The following P3H2 variants were observed in gnomAD, a reference collection of about 807,000 sequenced individuals.
The protein encoded by P3H2 is leprecan-like 1.
Under a neutral mutation model 87.0 loss-of-function variants are expected in P3H2, and 80 were observed. That is an observed-to-expected ratio of 0.92 (90% CI 0.77 to 1.11). The LOEUF is 1.11. P3H2 is among the 50% of genes least tolerant of loss of function. The pLI is 0.00. For synonymous variants in P3H2, 367 were observed against 359.3 expected (o/e 1.02, Z -0.24); for missense variants, 1,001 against 923.9 (o/e 1.08, Z -1.08).
intron 1 of P3H2, among the ~76,000 whole-genome samples, chr3:190,017,775 G>T (rs780678176): frequency 3.9e-5 from 6 of 152,144 alleles, no homozygotes; most frequent in Non-Finnish European, 8.8e-5. Context: ...TTCCTGAAAG[G>T]TTTTTCTCTT....
At position 190,087,307 on chromosome 3, in the gene P3H2, A is replaced by C. The variant is rs377736945; in HGVS notation, c.480+32945T>G. ...ATCCCAGCACTTTGGGAGGCCGAGG[A>C]GGGCAAATCACAAGGTCAGGAGATC... On this transcript the variant is annotated intron_variant, in intron 1 of 14. Transcript: ENST00000319332. Among the ~76,000 whole-genome samples the C allele has an allele frequency of 3.9e-5, 6 of 151,984 alleles. No individual in the cohort carries two copies. In the East Asian group the frequency reaches 5.8e-4, roughly 15 times the overall value.
chr3:189,993,279 G>A (rs755537924), intron 3 of P3H2, among the ~76,000 whole-genome samples: 5 of 145,904 alleles, frequency 3.4e-5, no homozygotes, highest in Non-Finnish European at 5.9e-5. Context: ...CCAAGATCAC[G>A]CCATTGCACT....
At chr3:189,960,911 A>G (rs1478305332) in intron 14 of P3H2, among the ~76,000 whole-genome samples, 1 of 152,182 alleles carries the variant, frequency 6.6e-6, no homozygotes, top group African/African-American at 2.4e-5. Context: ...TAAAAAGCCC[A>G]AGTACTACTT....
At chr3:190,064,468 T>C (rs1726435154) in intron 1 of P3H2, among the ~76,000 whole-genome samples, 1 of 152,136 alleles carries the variant, frequency 6.6e-6, no homozygotes, top group Non-Finnish European at 1.5e-5. Flanking sequence ...CTTCTGAATC[T>C]GAAGTCGACA....
intron 1 of P3H2, among the ~76,000 whole-genome samples, chr3:190,012,114 T>C (rs1724608140): frequency 6.6e-6 from 1 of 152,110 alleles, no homozygotes; most frequent in African/African-American, 2.4e-5. Flanking sequence ...CATCTTGAAA[T>C]TGGGACAAAT....
At chr3:189,962,478 G>C (rs1004011643) in intron 14 of P3H2, among the ~76,000 whole-genome samples, 2 of 152,164 alleles carry the variant, frequency 1.3e-5, no homozygotes, top group Admixed American at 6.5e-5. Context: ...CCCAGCCAGG[G>C]CCATTTTTTC....
intron 1 of P3H2, among the ~76,000 whole-genome samples, chr3:190,110,208 G>A (rs1162368603): frequency 6.6e-6 from 1 of 152,112 alleles, no homozygotes; most frequent in East Asian, 1.9e-4. Context: ...GGGTGATTTT[G>A]ACCTCCAAGT....
Position 189,972,942 on chromosome 3 carries a change from G to C in P3H2, c.1631C>G (p.Ser544Cys), listed in dbSNP as rs745992530. ...CAGAGTTGAGTTCAGCATAAAATAAGATTCTACAATCCTTCGAGCCTTTTC... is the reference window on the plus strand; with the variant it reads ...CAGAGTTGAGTTCAGCATAAAATAACATTCTACAATCCTTCGAGCCTTTTC... The part of the protein sequence containing the change: ...ISEKARRIVE[S>C]YFMLNSTLYF... Residue 544 changes from serine to cysteine, a missense_variant, in exon 11 of 15, where the codon TCT (serine) becomes TGT (cysteine). Transcript: ENST00000319332. 1 of 1,613,744 alleles carries C rather than the reference G, an allele frequency of 6.2e-7. No homozygotes were observed. Among genetic ancestry groups the C allele is most frequent in the East Asian group, 2.2e-5 (1 of 44,862 alleles).
In P3H2 at chr3:189,987,401, C is replaced by T. The variant is rs566885172; in HGVS notation, c.1098+126G>A. 9 of 1,066,900 alleles carry T rather than the reference C, an allele frequency of 8.4e-6. No individual in the cohort carries two copies. The South Asian group carries it at 1.2e-4, about 14-fold the overall frequency. 66.1% of individuals were successfully genotyped at this position (1,066,900 alleles called of 1,614,324 possible). A position where few individuals can be genotyped will look rare whatever the true frequency, so the allele number is the denominator to read the frequency against. On this transcript the variant is annotated intron_variant, in intron 5 of 14. Coordinates refer to ENST00000319332, the MANE Select transcript of P3H2 (RefSeq NM_018192.4). ...GGCTGAGGCAGGAGAATCGCTTGAA[C>T]CCGGGAGGCGGAGGTTGCGGTGAGC...
In P3H2 at chr3:189,971,969, G is replaced by A. The variant is rs1723192139; in HGVS notation, c.1738C>T (p.His580Tyr). The A allele has an allele frequency of 1.2e-6, 2 of 1,613,282 alleles. No individual in the cohort carries two copies. The highest frequency in any genetic ancestry group is 1.1e-5 in the South Asian group (1 of 91,066). The part of the protein sequence containing the change: ...DRRNDLSHPI[H>Y]ADNCLLDPEA... ...GGATCCAACAAACAGTTGTCAGCAT[G>A]GATGGGATGACTGAGGTCATTTCTT... Residue 580 changes from histidine (H) to tyrosine (Y), a missense_variant, in exon 12 of 15, where the codon CAT becomes TAT. Coordinates refer to ENST00000319332, the MANE Select transcript of P3H2 (RefSeq NM_018192.4).
At chr3:190,020,031 T>TG (rs1724889192) in intron 1 of P3H2, among the ~76,000 whole-genome samples, 1 of 132,294 alleles carries the variant, frequency 7.6e-6, no homozygotes, top group Non-Finnish European at 1.7e-5. Context: ...TGCCAGCAGG[T>TG]GGGGGCACAA....
At chr3:190,108,275 C>T (rs1711929157) in intron 1 of P3H2, among the ~76,000 whole-genome samples, 1 of 152,122 alleles carries the variant, frequency 6.6e-6, no homozygotes, top group Admixed American at 6.5e-5. Flanking sequence ...CCTCAGCTTC[C>T]CAAAGCACTG....
At chr3:190,006,551 C>T (rs982077444) in intron 1 of P3H2, among the ~76,000 whole-genome samples, 1 of 152,068 alleles carries the variant, frequency 6.6e-6, no homozygotes, top group African/African-American at 2.4e-5. Flanking sequence ...GTAAATATAG[C>T]CCAGTTAGGA....
At chr3:189,999,361 C>A (rs1422098733) in intron 1 of P3H2, among the ~76,000 whole-genome samples, 9 of 152,162 alleles carry the variant, frequency 5.9e-5, no homozygotes, top group African/African-American at 2.2e-4. Flanking sequence ...TTATTGTGAA[C>A]CAGTTTAGGA....
Position 189,974,607 on chromosome 3 carries a change from T to A in P3H2, c.1403A>T (p.Asp468Val). The change falls in exon 9 of 15, where the codon GAT (aspartate) becomes GTT (valine). Residue 468 changes from aspartate (D) to valine (V), a missense_variant. Transcript: ENST00000319332. ...QLNGTQRVLL[D>V]NVLSEEQCRE... The stretch of plus-strand genomic sequence containing the variant: ...GCACTGTTCTTCCGACAGGACGTTA[T>A]CCAGGAGAACCCGCTGAGTCCCGTT... 6.2e-7 allele frequency: 1 copy of A among 1,614,144 alleles called. No homozygotes were observed. Among genetic ancestry groups the A allele is most frequent in the East Asian group, 2.2e-5 (1 of 44,880 alleles).
intron 1 of P3H2, among the ~76,000 whole-genome samples, chr3:190,001,759 A>T (rs1225123948): frequency 1.3e-5 from 2 of 150,546 alleles, no homozygotes; most frequent in South Asian, 2.1e-4. Context: ...ATACACTCAT[A>T]TACATACACA....
chr3:189,994,171 G>A lies in P3H2; in HGVS notation c.746C>T (p.Thr249Ile), dbSNP rs1345401360. The change falls in exon 3 of 15, where the codon ACC (threonine) becomes ATC (isoleucine). Residue 249 changes from threonine (T) to isoleucine (I), a missense_variant. By Grantham distance (89) the Thr-to-Ile change is moderately conservative. Transcript: ENST00000319332. ...AAATCTCTGAGGCCCCTCACATAGG[G>A]TCCGGCATTCTGTATCTTCAACGAA... ...EYFVEDTECR[T>I]LCEGPQRFEE... 1.9e-6 allele frequency: 3 copies of A among 1,613,472 alleles called. No individual in the cohort carries two copies. Among genetic ancestry groups the A allele is most frequent in the East Asian group, 4.5e-5 (2 of 44,892 alleles).
intron 10 of P3H2, among the ~76,000 whole-genome samples, 153 bp downstream of exon 10, chr3:189,973,756 C>A (rs538672046): frequency 9.1e-4 from 139 of 152,098 alleles, no homozygotes; most frequent in African/African-American, 3.3e-3. Flanking sequence ...GATCTCCTGA[C>A]CTCGTGATCT....
intron 1 of P3H2, among the ~76,000 whole-genome samples, chr3:190,102,446 T>C (rs1164439718): frequency 6.6e-6 from 1 of 152,228 alleles, no homozygotes; most frequent in Non-Finnish European, 1.5e-5. Context: ...CTCTCATGGA[T>C]GATTTCGAGG....
Sources: gnomAD v4.1 joint callset for allele counts (sites outside exome capture counted in the v4.1 genomes callset) on GRCh38, gnomAD v4.1.1 for gene constraint, MANE v1.5 for transcripts, NCBI Gene and HGNC (gene_info 2026-07-23, HGNC 2026-07-21) for gene names.